Variants in SYT1 observed in about 807,000 individuals in gnomAD.
The protein encoded by SYT1 is synaptotagmin-1.
In SYT1, 8 loss-of-function variants were observed where a neutral mutation model predicts 44.8. That is an observed-to-expected ratio of 0.18 (90% CI 0.10 to 0.32). SYT1 has a LOEUF of 0.32. SYT1 is among the 10% of genes least tolerant of loss of function. The pLI is 1.00. For synonymous variants in SYT1, 154 were observed against 188.8 expected (o/e 0.82, Z 1.51); for missense variants, 286 against 509.3 (o/e 0.56, Z 4.22).
intron 2 of SYT1, among the ~76,000 whole-genome samples, chr12:79,035,165 A>G (rs1192176036): frequency 6.6e-6 from 1 of 151,704 alleles, no homozygotes; most frequent in African/African-American, 2.4e-5. Flanking sequence ...GCCGAACCCC[A>G]ACATACCACT....
At chr12:78,967,369 T>C (rs1392163266) in intron 1 of SYT1, among the ~76,000 whole-genome samples, 1 of 152,064 alleles carries the variant, frequency 6.6e-6, no homozygotes, top group Non-Finnish European at 1.5e-5. Context: ...TGGCAGGATA[T>C]TAAAGGCAAG....
chr12:79,065,942 A>G (rs370773715), intron 3 of SYT1, among the ~76,000 whole-genome samples: 19 of 152,166 alleles, frequency 1.2e-4, no homozygotes, highest in African/African-American at 4.1e-4. Flanking sequence ...GATAGAGTGA[A>G]AAAAATTACA....
At chr12:79,226,949 C>T (rs1428555271) in intron 4 of SYT1, among the ~76,000 whole-genome samples, 1 of 152,142 alleles carries the variant, frequency 6.6e-6, no homozygotes, top group Non-Finnish European at 1.5e-5. Flanking sequence ...CTTGGCATAA[C>T]ATACTGTGAT....
chr12:79,222,055 G>A (rs935438856), intron 4 of SYT1, among the ~76,000 whole-genome samples: 1 of 152,044 alleles, frequency 6.6e-6, no homozygotes, highest in African/African-American at 2.4e-5. Context: ...CTGAAAGATA[G>A]CTTTGCTGGG....
chr12:79,380,457 G>A (rs1283551481), intron 9 of SYT1, among the ~76,000 whole-genome samples: 1 of 152,194 alleles, frequency 6.6e-6, no homozygotes, highest in Admixed American at 6.5e-5. Flanking sequence ...CCTAGGTGAT[G>A]TAGCCTGCTA....
chr12:79,027,709 G>A (rs1253775208), intron 2 of SYT1, among the ~76,000 whole-genome samples: 2 of 151,258 alleles, frequency 1.3e-5, no homozygotes, highest in East Asian at 3.9e-4. Flanking sequence ...AATATTCTAT[G>A]GATATTTTAA....
At chr12:78,889,431 C>T (rs1171379861) in intron 1 of SYT1, among the ~76,000 whole-genome samples, 1 of 151,738 alleles carries the variant, frequency 6.6e-6, no homozygotes. Flanking sequence ...CCATAAATGA[C>T]AGTATAAAAA....
chr12:79,376,614 C>T (rs1280334034), intron 9 of SYT1, among the ~76,000 whole-genome samples: 1 of 152,176 alleles, frequency 6.6e-6, no homozygotes, highest in Non-Finnish European at 1.5e-5. Flanking sequence ...GGGAATGCAG[C>T]CCAGTAGGTT....
At chr12:78,913,729 ATGG>A (rs1387075354) in intron 1 of SYT1, among the ~76,000 whole-genome samples, 2 of 152,002 alleles carry the variant, frequency 1.3e-5, no homozygotes, top group African/African-American at 4.8e-5. Context: ...ATTTAACACA[ATGG>A]TGGGTACATG....
chr12:79,353,654 G>A, intron 9 of SYT1, 35 bp downstream of exon 9: 1 of 1,530,432 alleles, frequency 6.5e-7, no homozygotes, highest in Non-Finnish European at 9.1e-7. Flanking sequence ...TTTTTCAAAT[G>A]CTGTTTCGTC....
chr12:79,310,038 A>G (rs1277815929), intron 8 of SYT1, among the ~76,000 whole-genome samples: 1 of 152,062 alleles, frequency 6.6e-6, no homozygotes, highest in Non-Finnish European at 1.5e-5. Flanking sequence ...CCATTTGTCA[A>G]TTTTGGCTTT....
At chr12:79,429,827 T>C (rs1316720148) in intron 9 of SYT1, among the ~76,000 whole-genome samples, 1 of 152,246 alleles carries the variant, frequency 6.6e-6, no homozygotes, top group Non-Finnish European at 1.5e-5. Flanking sequence ...GGATTTGTAG[T>C]GTTAATCTGG....
intron 3 of SYT1, among the ~76,000 whole-genome samples, chr12:79,131,893 CAG>C (rs1358239951): frequency 6.6e-6 from 1 of 152,088 alleles, no homozygotes; most frequent in Non-Finnish European, 1.5e-5. Flanking sequence ...AAAGAGAAGA[CAG>C]AGGAGGCAGG....
intron 8 of SYT1, among the ~76,000 whole-genome samples, chr12:79,307,676 C>T (rs1250286060): frequency 1.3e-5 from 2 of 152,090 alleles, no homozygotes; most frequent in African/African-American, 2.4e-5. Flanking sequence ...GAAGCCTTTG[C>T]GATTACAGTC....
chr12:79,348,992 AGAG>A (rs1882737979), intron 8 of SYT1, among the ~76,000 whole-genome samples: 6 of 95,510 alleles, frequency 6.3e-5, no homozygotes, highest in African/African-American at 2.6e-4. Flanking sequence ...AGAAAGAAAG[AGAG>A]AAGGAAAGAA....
At chr12:79,239,083 C>T (rs1014724973) in intron 4 of SYT1, among the ~76,000 whole-genome samples, 2 of 152,188 alleles carry the variant, frequency 1.3e-5, no homozygotes, top group East Asian at 3.9e-4. Flanking sequence ...TCCTATACAG[C>T]AGGCACTAAA....
intron 8 of SYT1, among the ~76,000 whole-genome samples, chr12:79,330,739 T>A (rs1266074929): frequency 6.6e-6 from 1 of 152,178 alleles, no homozygotes; most frequent in East Asian, 1.9e-4. Context: ...TATGTATTAA[T>A]CCGTTAAATC....
intron 3 of SYT1, among the ~76,000 whole-genome samples, chr12:79,202,616 C>T (rs935673803): frequency 2.0e-5 from 3 of 152,144 alleles, no homozygotes; most frequent in Non-Finnish European, 4.4e-5. Flanking sequence ...CAATAGGGCA[C>T]CTGCCTTTCA....
At chr12:79,092,456 C>A (rs949117843) in intron 3 of SYT1, among the ~76,000 whole-genome samples, 3 of 151,508 alleles carry the variant, frequency 2.0e-5, no homozygotes, top group Non-Finnish European at 4.4e-5. Context: ...TTCAATTCTG[C>A]ACACAAAAGT....
Sources: allele counts gnomAD v4.1 joint callset (sites outside exome capture counted in the v4.1 genomes callset), GRCh38; gene constraint gnomAD v4.1.1; transcripts MANE v1.5; gene names NCBI Gene and HGNC (gene_info 2026-07-23, HGNC 2026-07-21).